Variants in TCTN2 observed in about 807,000 individuals in gnomAD.
TCTN2 encodes the protein tectonic-2.
In TCTN2, 66 loss-of-function variants were observed where a neutral mutation model predicts 83.4. That is an observed-to-expected ratio of 0.79 (90% CI 0.65 to 0.97). TCTN2 has a LOEUF of 0.97. Among genes scored for constraint, TCTN2 ranks in the 50% least tolerant of loss-of-function variants. The probability of loss-of-function intolerance (pLI) is 0.00; values close to 1 mark genes in which losing one functional copy is unlikely to be tolerated. For missense variants in TCTN2, 794 were observed against 858.1 expected, an observed-to-expected ratio of 0.93 and a Z score of 0.93; for synonymous variants, 301 against 326.7, an observed-to-expected ratio of 0.92 and a Z score of 0.85.
intron 4 of TCTN2, among the ~76,000 whole-genome samples, chr12:123,676,566 TAAAAAAAA>T (rs60100973): frequency 0.032 from 1,972 of 60,756 alleles, 54 homozygotes; most frequent in African/African-American, 0.12. Flanking sequence ...AGACTCCATC[TAAAAAAAA>T]AAAAAAAAAA....
intron 14 of TCTN2, among the ~76,000 whole-genome samples, chr12:123,700,793 A>T (rs1392910907): frequency 6.6e-6 from 1 of 152,158 alleles, no homozygotes; most frequent in Non-Finnish European, 1.5e-5. Context: ...TGAAAAATTT[A>T]AAAAATTAGT....
intron 13 of TCTN2, among the ~76,000 whole-genome samples, chr12:123,697,937 T>A (rs1956129709): frequency 6.6e-6 from 1 of 151,646 alleles, no homozygotes; most frequent in African/African-American, 2.4e-5. Context: ...CATGGCTTAC[T>A]GCAGCCCCAA....
chr12:123,676,385 G>A (rs1955821156), intron 4 of TCTN2, among the ~76,000 whole-genome samples: 2 of 151,932 alleles, frequency 1.3e-5, no homozygotes, highest in South Asian at 4.2e-4. Context: ...TGGCTAACAC[G>A]GTGAAACCCC....
At chr12:123,706,429 T>C (rs576412367) in intron 15 of TCTN2, among the ~76,000 whole-genome samples, 1 of 152,194 alleles carries the variant, frequency 6.6e-6, no homozygotes, top group Non-Finnish European at 1.5e-5. Context: ...AAAGGTACCT[T>C]TGATAGCACC....
Position 123,690,546 on chromosome 12 carries a change from G to A in TCTN2, c.905G>A (p.Gly302Glu). 1 of 1,614,170 alleles carries A rather than the reference G, an allele frequency of 6.2e-7. No individual in the cohort carries two copies. The highest frequency in any genetic ancestry group is 8.5e-7 in the Non-Finnish European group (1 of 1,180,026). Residue 302 changes from glycine (G) to glutamate (E), a missense_variant, in exon 8 of 18, where the codon GGG becomes GAG. Transcript: ENST00000303372. ...YFTIPQVSLA[G>E]QCMQNAPVAF... The stretch of plus-strand genomic sequence containing the variant: ...CTTCTCCCTCAGGTGTCCCTGGCTG[G>A]GCAGTGTATGCAGAACGCCCCAGTG...
intron 4 of TCTN2, among the ~76,000 whole-genome samples, chr12:123,675,479 G>A (rs1030281433): frequency 2.0e-5 from 3 of 152,104 alleles, no homozygotes; most frequent in Non-Finnish European, 4.4e-5. Context: ...CTTTACTGCC[G>A]CTTCCCTTAT....
intron 10 of TCTN2, 70 bp from the exon 11 acceptor site, chr12:123,695,150 A>G: frequency 7.2e-7 from 1 of 1,385,178 alleles, no homozygotes. Flanking sequence ...TTTAAGGTAA[A>G]CACTATGGAG....
chr12:123,702,292 G>A (rs1261014945), intron 14 of TCTN2, among the ~76,000 whole-genome samples: 1 of 152,156 alleles, frequency 6.6e-6, no homozygotes, highest in Non-Finnish European at 1.5e-5. Context: ...GGTGGGTAGG[G>A]ATCAGCCCTC....
intron 6 of TCTN2, among the ~76,000 whole-genome samples, chr12:123,687,815 T>G (rs983323191): frequency 1.2e-4 from 18 of 151,820 alleles, no homozygotes; most frequent in Non-Finnish European, 2.1e-4. Flanking sequence ...TACAAAAAAT[T>G]AGCCAGGTGT....
chr12:123,700,294 C>T (rs1956157235), intron 14 of TCTN2: 2 of 273,102 alleles, frequency 7.3e-6, no homozygotes, highest in South Asian at 4.0e-5. Context: ...GTTGGGATTA[C>T]AGGCATGAGC....
At chr12:123,676,254 G>C in intron 4 of TCTN2, among the ~76,000 whole-genome samples, 1 of 151,704 alleles carries the variant, frequency 6.6e-6, no homozygotes, top group African/African-American at 2.4e-5. Context: ...ACTCCAGCCT[G>C]GTCGACAGAG....
At chr12:123,703,023 G>A (rs567131567) in intron 14 of TCTN2, among the ~76,000 whole-genome samples, 1 of 151,998 alleles carries the variant, frequency 6.6e-6, no homozygotes, top group Non-Finnish European at 1.5e-5. Flanking sequence ...ACCTTGCTGG[G>A]TTTTCTCCAA....
intron 2 of TCTN2, 150 bp downstream of exon 2, chr12:123,671,764 C>T: frequency 1.4e-6 from 1 of 701,720 alleles, no homozygotes; most frequent in Admixed American, 2.3e-5. Flanking sequence ...TGCTGTAGGC[C>T]AAAGAGGACA....
chr12:123,707,067 T>C lies in TCTN2; in HGVS notation c.1978T>C (p.Tyr660His), dbSNP rs777225516. The change falls in exon 17 of 18, where the codon TAT (tyrosine) becomes CAT (histidine). Residue 660 changes from tyrosine (Y) to histidine (H), a missense_variant. Tyr to His is a moderately conservative substitution (Grantham distance 83). Transcript: ENST00000303372. ...GCTTCTATATCCATGGACTCAGTAT[T>C]ATCAAGGTAGGGTGAAACAGATTTC... ...PQLLYPWTQY[Y>H]QGELHSQCVA... is the part of the protein sequence containing the mutation. 1.9e-6 allele frequency: 3 copies of C among 1,613,154 alleles called. No homozygotes were observed. The highest frequency in any genetic ancestry group is 2.5e-6 in the Non-Finnish European group (3 of 1,179,860).
chr12:123,685,006 C>T (rs1160507437), intron 5 of TCTN2, among the ~76,000 whole-genome samples: 1 of 149,996 alleles, frequency 6.7e-6, no homozygotes, highest in Non-Finnish European at 1.5e-5. Context: ...GCTGAGATCG[C>T]GCCACTGCAC....
At chr12:123,681,554 T>C (rs770460085) in intron 5 of TCTN2, among the ~76,000 whole-genome samples, 8 of 152,258 alleles carry the variant, frequency 5.3e-5, no homozygotes, top group Non-Finnish European at 8.8e-5. Context: ...TCTTTTACCT[T>C]GTAGCAGCTG....
intron 11 of TCTN2, chr12:123,695,914 G>A: frequency 5.8e-6 from 1 of 170,956 alleles, no homozygotes; most frequent in Non-Finnish European, 1.3e-5. Context: ...CACGATTTGG[G>A]CTCACTGCAA....
At chr12:123,693,611 T>C (rs1234705601) in intron 9 of TCTN2, among the ~76,000 whole-genome samples, 1 of 149,762 alleles carries the variant, frequency 6.7e-6, no homozygotes, top group East Asian at 2.0e-4. Context: ...CACCACCATA[T>C]GCCTGGCTAA....
rs745927282 is a variant in TCTN2 at position 123,704,532 on chromosome 12, G to A, written c.1613G>A (p.Arg538His). ...AGTGTATAACTTAACATTTCTATAG[G>A]TGTAGATGCCCCTGATCCAGGTGCA... Reference protein sequence around the residue: ...DLSDGWLEIIRVDAPDPGADP... With the variant: ...DLSDGWLEIIHVDAPDPGADP... The change falls in exon 15 of 18, where the codon CGT becomes CAT. Residue 538 changes from arginine to histidine, a missense_variant and splice_region_variant. By Grantham distance (29) the Arg-to-His change is conservative (BLOSUM62 0). Coordinates refer to ENST00000303372, the MANE Select transcript of TCTN2 (RefSeq NM_024809.5). 2 of 1,610,414 alleles carry A rather than the reference G, an allele frequency of 1.2e-6. No individual in the cohort carries two copies. Among genetic ancestry groups the A allele is most frequent in the Admixed American group, 1.7e-5 (1 of 59,232 alleles).
Sources: gnomAD v4.1 joint callset for allele counts (sites outside exome capture counted in the v4.1 genomes callset) on GRCh38, gnomAD v4.1.1 for gene constraint, MANE v1.5 for transcripts, NCBI Gene and HGNC (gene_info 2026-07-23, HGNC 2026-07-21) for gene names.